ABCB1: variants seen among roughly 807,000 people sequenced by gnomAD.
The protein encoded by ABCB1 is ATP binding cassette subfamily B member 1, also known as ATP-dependent translocase ABCB1.
ABCB1 carries 69 observed loss-of-function variants against 142.0 expected under a neutral mutation model. That is an observed-to-expected ratio of 0.49 (90% CI 0.40 to 0.59). ABCB1 has a LOEUF of 0.59. ABCB1 is among the 20% of genes least tolerant of loss of function. The probability of loss-of-function intolerance (pLI) is 0.00; values close to 1 mark genes in which losing one functional copy is unlikely to be tolerated. For synonymous variants in ABCB1, 532 were observed against 539.2 expected (o/e 0.99, Z 0.18); for missense variants, 1,326 against 1,554.7 (o/e 0.85, Z 2.47).
In ABCB1 at chr7:87,509,473, A is replaced by G. The variant is rs750446497; in HGVS notation, c.3291T>C (p.Asp1097=). 8 of 1,613,954 alleles carry G rather than the reference A, an allele frequency of 5.0e-6. No individual in the cohort carries two copies. In the Admixed American group the frequency reaches 1.2e-4, roughly 24 times the overall value. ...CATTCAGTCGCTTTATTTCTTTGCCATCAAGCAGCTGAAAACAAGAGTTCA... is the reference window on the plus strand; with the variant it reads ...CATTCAGTCGCTTTATTTCTTTGCCGTCAAGCAGCTGAAAACAAGAGTTCA... ...YDPLAGKVLL[D]GKEIKRLNVQ... The change falls in exon 26 of 28, where the codon GAT becomes GAC. Residue 1097 remains aspartate (D), a synonymous_variant. Transcript: ENST00000622132.
intron 14 of ABCB1, among the ~76,000 whole-genome samples, chr7:87,548,356 G>T (rs1204171571): frequency 2.0e-5 from 3 of 150,804 alleles, no homozygotes; most frequent in Admixed American, 2.0e-4. Context: ...TTGAGGGAGG[G>T]AGGGAAGGAA....
At chr7:87,543,921 A>G (rs1441474887) in intron 17 of ABCB1, among the ~76,000 whole-genome samples, 1 of 152,206 alleles carries the variant, frequency 6.6e-6, no homozygotes, top group East Asian at 1.9e-4. Flanking sequence ...CAGGTTAGAA[A>G]CCAACTGTGA....
At chr7:87,700,117 G>C (rs1455986084) in intron 1 of ABCB1, among the ~76,000 whole-genome samples, 1 of 151,986 alleles carries the variant, frequency 6.6e-6, no homozygotes, top group South Asian at 2.1e-4. Context: ...GACTGTATTA[G>C]ACAAATAGGA....
chr7:87,617,451 C>T (rs1360707673), intron 1 of ABCB1, among the ~76,000 whole-genome samples: 1 of 152,196 alleles, frequency 6.6e-6, no homozygotes, highest in Non-Finnish European at 1.5e-5. Context: ...ATGTGTCCTT[C>T]CATCTGAGGC....
intron 17 of ABCB1, 145 bp downstream of exon 17, chr7:87,543,984 T>C (rs1816657566): frequency 1.0e-6 from 1 of 976,760 alleles, no homozygotes; most frequent in African/African-American, 1.6e-5. Flanking sequence ...CAGACTGCTA[T>C]TCTTACATCT....
intron 9 of ABCB1, 96 bp from the exon 10 acceptor site, chr7:87,550,934 A>C: frequency 1.3e-6 from 1 of 774,460 alleles, no homozygotes; most frequent in Non-Finnish European, 2.3e-6. Context: ...GGTAATTAAA[A>C]TTTAAAATGG....
intron 4 of ABCB1, among the ~76,000 whole-genome samples, chr7:87,574,950 T>C (rs1407815494): frequency 2.0e-5 from 3 of 152,204 alleles, no homozygotes; most frequent in African/African-American, 7.2e-5. Context: ...ACTTAGCATA[T>C]TCAAAAAATT....
intron 1 of ABCB1, among the ~76,000 whole-genome samples, chr7:87,647,554 A>T (rs546863857): frequency 2.0e-5 from 3 of 152,314 alleles, no homozygotes; most frequent in Admixed American, 6.5e-5. Flanking sequence ...TAATGAATTT[A>T]TTTTGTTTAT....
At chr7:87,709,443 C>A in intron 1 of ABCB1, 1 of 985,286 alleles carries the variant, frequency 1.0e-6, no homozygotes, top group South Asian at 4.7e-5. Flanking sequence ...TGCAGGTTCC[C>A]CTAGGCTTAC....
Position 87,550,849 on chromosome 7 carries a change from T to C in ABCB1, c.1000-11A>G, listed in dbSNP as rs1817032826. The stretch of plus-strand genomic sequence containing the variant: ...TACAGAAAAGAATACCTGAGGAATG[T>C]GAAGAAAAACCATCAGGCTACTGAG... On this transcript the variant is annotated splice_polypyrimidine_tract_variant and intron_variant, in intron 9 of 27. Coordinates refer to ENST00000622132, the MANE Select transcript of ABCB1 (RefSeq NM_001348946.2). 15 of 1,559,102 alleles carry C rather than the reference T, an allele frequency of 9.6e-6. No homozygotes were observed. The highest frequency in any genetic ancestry group is 1.3e-5 in the Non-Finnish European group (15 of 1,130,162).
intron 20 of ABCB1, among the ~76,000 whole-genome samples, chr7:87,532,387 G>A (rs1454277164): frequency 6.6e-6 from 1 of 152,190 alleles, no homozygotes; most frequent in Non-Finnish European, 1.5e-5. Flanking sequence ...GTCAGCACAA[G>A]ATACAGGTCG....
At chr7:87,526,889 C>T (rs566556743) in intron 21 of ABCB1, among the ~76,000 whole-genome samples, 5 of 152,230 alleles carry the variant, frequency 3.3e-5, no homozygotes, top group Middle Eastern at 3.4e-3. Flanking sequence ...CATCCTAAAC[C>T]GGATTGCATT....
At chr7:87,582,528 T>C (rs112592807) in intron 4 of ABCB1, among the ~76,000 whole-genome samples, 44 of 152,332 alleles carry the variant, frequency 2.9e-4, no homozygotes, top group African/African-American at 1.0e-3. Flanking sequence ...TACAAATTAA[T>C]TGATGGATTG....
chr7:87,700,390 A>C (rs757042767), intron 1 of ABCB1: 6 of 1,535,016 alleles, frequency 3.9e-6, no homozygotes, highest in Admixed American at 2.2e-5. Context: ...TTTACTTTTT[A>C]AAATTTTATA....
At chr7:87,712,913 T>C (rs1281638938) in intron 1 of ABCB1, among the ~76,000 whole-genome samples, 1 of 152,160 alleles carries the variant, frequency 6.6e-6, no homozygotes, top group Non-Finnish European at 1.5e-5. Flanking sequence ...ATAATGGCTT[T>C]GGAACTCTTA....
In ABCB1 at chr7:87,578,787, G is replaced by A. The variant is rs1053048002; in HGVS notation, c.286+6725C>T. Among the ~76,000 whole-genome samples, 470 of 148,370 alleles carry A rather than the reference G, an allele frequency of 3.2e-3. 3 individuals carry two copies. The highest frequency in any genetic ancestry group is 3.9e-3 in the Non-Finnish European group (259 of 67,238). On this transcript the variant is annotated intron_variant, in intron 4 of 27. Transcript: ENST00000622132. Reference sequence around the variant, plus strand: ...CGGCTCACTGCAAGCTCCGCCTCCCGGGTTCACGCCATTCTCCTGCCTCAG... The same window carrying A: ...CGGCTCACTGCAAGCTCCGCCTCCCAGGTTCACGCCATTCTCCTGCCTCAG...
chr7:87,568,680 T>C (rs1446001747), intron 5 of ABCB1, among the ~76,000 whole-genome samples: 1 of 152,202 alleles, frequency 6.6e-6, no homozygotes, highest in African/African-American at 2.4e-5. Context: ...CCCCAAACTC[T>C]ACCTTGTAAC....
intron 1 of ABCB1, among the ~76,000 whole-genome samples, chr7:87,663,765 G>A (rs1370055451): frequency 1.3e-5 from 2 of 152,092 alleles, no homozygotes; most frequent in Non-Finnish European, 2.9e-5. Context: ...TTATTTCTCA[G>A]TTCTGGAGGA....
chr7:87,660,984 T>G (rs192886864), intron 1 of ABCB1, among the ~76,000 whole-genome samples: 271 of 152,168 alleles, frequency 1.8e-3, no homozygotes, highest in Middle Eastern at 3.4e-3. Flanking sequence ...GTTACTTTAA[T>G]AAATGTCCCA....
Sources: allele counts gnomAD v4.1 joint callset (sites outside exome capture counted in the v4.1 genomes callset), GRCh38; gene constraint gnomAD v4.1.1; transcripts MANE v1.5; gene names NCBI Gene and HGNC (gene_info 2026-07-23, HGNC 2026-07-21).